Variants in AGBL1 observed in about 807,000 individuals in gnomAD.
The protein encoded by AGBL1 is cytosolic carboxypeptidase 4.
Under a neutral mutation model 118.9 loss-of-function variants are expected in AGBL1, and 130 were observed. The ratio of observed to expected loss-of-function variants is 1.09; its 90% CI spans 0.95 to 1.26. AGBL1 has a LOEUF of 1.26. AGBL1 is among the 50% of genes most tolerant of loss of function. AGBL1 has a pLI of 0.00. For missense variants in AGBL1, 1,584 were observed against 1,298.1 expected, an observed-to-expected ratio of 1.22 and a Z score of -3.38; for synonymous variants, 555 against 478.9, an observed-to-expected ratio of 1.16 and a Z score of -2.08.
At chr15:86,851,413 G>C (rs570242192) in intron 22 of AGBL1, among the ~76,000 whole-genome samples, 5 of 152,094 alleles carry the variant, frequency 3.3e-5, no homozygotes, top group Non-Finnish European at 7.3e-5. Context: ...GGACAGAAAG[G>C]TCCATCACCT....
At chr15:86,782,992 G>A (rs1423092853) in intron 22 of AGBL1, among the ~76,000 whole-genome samples, 4 of 152,112 alleles carry the variant, frequency 2.6e-5, no homozygotes, top group Admixed American at 2.6e-4. Context: ...TTTGTTTTAA[G>A]TGATGTTTCA....
intron 18 of AGBL1, among the ~76,000 whole-genome samples, chr15:86,410,379 G>A (rs1251496372): frequency 6.6e-6 from 1 of 152,038 alleles, no homozygotes; most frequent in African/African-American, 2.4e-5. Flanking sequence ...GATGATTGTG[G>A]TGGTGATGTA....
intron 18 of AGBL1, among the ~76,000 whole-genome samples, chr15:86,508,963 C>G (rs557732956): frequency 6.6e-6 from 1 of 152,158 alleles, no homozygotes; most frequent in East Asian, 1.9e-4. Flanking sequence ...AAGAAACAAA[C>G]AATCAAAAAT....
chr15:86,617,193 C>A (rs1442038550), intron 21 of AGBL1, among the ~76,000 whole-genome samples: 1 of 152,148 alleles, frequency 6.6e-6, no homozygotes, highest in African/African-American at 2.4e-5. Context: ...AATTTATTGA[C>A]CCTTTGACAG....
chr15:86,679,904 T>G (rs890097192), intron 22 of AGBL1, among the ~76,000 whole-genome samples: 2 of 152,168 alleles, frequency 1.3e-5, no homozygotes, highest in Non-Finnish European at 2.9e-5. Flanking sequence ...TCTGAAATAT[T>G]ATTTTAATGT....
chr15:86,592,924 C>T (rs553432944), intron 21 of AGBL1, among the ~76,000 whole-genome samples: 2 of 152,280 alleles, frequency 1.3e-5, no homozygotes, highest in East Asian at 3.9e-4. Flanking sequence ...GCTACCTGCT[C>T]TAACAAAACC....
intron 19 of AGBL1, among the ~76,000 whole-genome samples, chr15:86,539,924 T>C (rs1346395609): frequency 1.3e-5 from 2 of 152,214 alleles, no homozygotes; most frequent in Non-Finnish European, 2.9e-5. Flanking sequence ...GCTTGTGGTA[T>C]AATATCAACA....
intron 22 of AGBL1, among the ~76,000 whole-genome samples, chr15:86,843,187 C>T (rs1255772427): frequency 6.6e-6 from 1 of 152,144 alleles, no homozygotes; most frequent in East Asian, 1.9e-4. Context: ...TTTACCACAG[C>T]CTGATGCTTC....
chr15:86,276,622 A>G (rs2079256289), intron 15 of AGBL1, among the ~76,000 whole-genome samples: 1 of 152,220 alleles, frequency 6.6e-6, no homozygotes, highest in Admixed American at 6.5e-5. Context: ...GGCCATGAGA[A>G]TAGGAGTGAT....
At chr15:86,391,640 G>GTTTTTTTT (rs751427467) in intron 17 of AGBL1, among the ~76,000 whole-genome samples, 120 of 73,790 alleles carry the variant, frequency 1.6e-3, no homozygotes, top group East Asian at 3.2e-3. Flanking sequence ...GTTGTTGTTG[G>GTTTTTTTT]TTTTTTTTTT....
chr15:86,241,211 T>C (rs900230749), intron 6 of AGBL1, among the ~76,000 whole-genome samples: 1 of 152,192 alleles, frequency 6.6e-6, no homozygotes, highest in Non-Finnish European at 1.5e-5. Context: ...AAAATGGTTA[T>C]AAATTTTACT....
chr15:86,751,061 T>A (rs563611467), intron 22 of AGBL1, among the ~76,000 whole-genome samples: 1 of 152,254 alleles, frequency 6.6e-6, no homozygotes, highest in South Asian at 2.1e-4. Flanking sequence ...GTAGGTTGAT[T>A]CCATGTCTTC....
intron 16 of AGBL1, among the ~76,000 whole-genome samples, chr15:86,280,412 G>A (rs1021309372): frequency 2.0e-5 from 3 of 152,140 alleles, no homozygotes; most frequent in Non-Finnish European, 2.9e-5. Context: ...GCATTCCTGT[G>A]TACCATAAGG....
At chr15:86,384,832 G>C (rs1008550440) in intron 17 of AGBL1, among the ~76,000 whole-genome samples, 1 of 152,160 alleles carries the variant, frequency 6.6e-6, no homozygotes, top group African/African-American at 2.4e-5. Context: ...AAAGAAATAC[G>C]AGTTGGTAAT....
At chr15:86,987,046 C>A (rs1312105299) in intron 23 of AGBL1, among the ~76,000 whole-genome samples, 1 of 151,992 alleles carries the variant, frequency 6.6e-6, no homozygotes, top group Non-Finnish European at 1.5e-5. Flanking sequence ...CCAGGATGAG[C>A]CAGGAGAAGG....
At chr15:86,372,143 C>G (rs1233084080) in intron 17 of AGBL1, among the ~76,000 whole-genome samples, 1 of 152,212 alleles carries the variant, frequency 6.6e-6, no homozygotes, top group South Asian at 2.1e-4. Context: ...ATCAGCATGC[C>G]TGGGCATGAA....
intron 21 of AGBL1, among the ~76,000 whole-genome samples, chr15:86,670,650 G>GTGTATA (rs369000727): frequency 0.15 from 20,814 of 140,836 alleles, 2,813 homozygotes; most frequent in African/African-American, 0.35. Context: ...GTGTGTGTGT[G>GTGTATA]TATATATATA....
At chr15:86,950,923 A>C (rs771516337) in intron 23 of AGBL1, among the ~76,000 whole-genome samples, 10 of 152,168 alleles carry the variant, frequency 6.6e-5, no homozygotes, top group Non-Finnish European at 1.5e-4. Flanking sequence ...AAAACACTAT[A>C]TGAAACAAGG....
chr15:86,080,129 G>GT, intron 1 of AGBL1, 106 bp downstream of exon 1: 1 of 874,410 alleles, frequency 1.1e-6, no homozygotes, highest in Non-Finnish European at 1.5e-6. Flanking sequence ...CACTGGCCCA[G>GT]TTTGTTAACA....
Sources: allele counts gnomAD v4.1 joint callset (sites outside exome capture counted in the v4.1 genomes callset), GRCh38; gene constraint gnomAD v4.1.1; transcripts MANE v1.5; gene names NCBI Gene and HGNC (gene_info 2026-07-23, HGNC 2026-07-21).